Variants in KRT28 observed in about 807,000 individuals in gnomAD.
KRT28 encodes keratin 28, also known as keratin, type I cytoskeletal 28.
Under a neutral mutation model 48.1 loss-of-function variants are expected in KRT28, and 45 were observed. That is an observed-to-expected ratio of 0.94 (90% CI 0.74 to 1.20). The LOEUF (loss-of-function observed/expected upper bound fraction) is 1.20. KRT28 is among the 50% of genes most tolerant of loss of function. KRT28 has a pLI of 0.00. For missense variants in KRT28, 571 were observed against 574.1 expected (o/e 0.99, Z 0.06); for synonymous variants, 228 against 227.4 (o/e 1.00, Z -0.03).
intron 6 of KRT28, 101 bp downstream of exon 6, chr17:40,793,728 G>T: frequency 9.0e-7 from 1 of 1,112,490 alleles, no homozygotes; most frequent in Non-Finnish European, 1.3e-6. Context: ...TCTGCAGTGG[G>T]AATGAAAAAG....
At chr17:40,799,344 C>A (rs1313849225) in intron 1 of KRT28, 100 bp downstream of exon 1, 1 of 963,038 alleles carries the variant, frequency 1.0e-6, no homozygotes, top group East Asian at 2.5e-5. Context: ...TAAATAAATA[C>A]AAGTTATAAC....
At chr17:40,798,714 C>T (rs576931649) in intron 2 of KRT28, among the ~76,000 whole-genome samples, 2 of 152,228 alleles carry the variant, frequency 1.3e-5, no homozygotes, top group African/African-American at 4.8e-5. Flanking sequence ...GTATTCTAGG[C>T]AGGCAGAGAA....
Position 40,796,904 on chromosome 17 carries a change from G to T in KRT28, c.978+12C>A. 6.3e-7 allele frequency: 1 copy of T among 1,577,300 alleles called. No homozygotes were observed. Among genetic ancestry groups the T allele is most frequent in the South Asian group, 1.2e-5 (1 of 86,646 alleles). ...AATCACAGGATCCAGGCTGACCTTC[G>T]CTGTCACCTACCGTGGCCATCAGGG... On this transcript the variant is annotated intron_variant, in intron 5 of 7. Coordinates refer to ENST00000306658, the MANE Select transcript of KRT28 (RefSeq NM_181535.3).
chr17:40,792,525 C>G lies in KRT28; in HGVS notation c.1297G>C (p.Asp433His). 1 of 1,613,238 alleles carries G rather than the reference C, an allele frequency of 6.2e-7. No individual in the cohort carries two copies. Residue 433 changes from aspartate to histidine, a missense_variant, in exon 8 of 8, where the codon GAT becomes CAT. Physicochemically the swap from Asp to His is moderately conservative, Grantham distance 81. Coordinates refer to ENST00000306658, the MANE Select transcript of KRT28 (RefSeq NM_181535.3). The stretch of plus-strand genomic sequence containing the variant: ...GATGAAAGAACTTTACCACGTTGAT[C>G]TAGCTCTTCAACCACTGTCTTTACC... ...TLVKTVVEEL[D>H]QRGKVLSSRI...
rs572794504 is a variant in KRT28 at position 40,797,192 on chromosome 17, G to T, written c.780C>A (p.Asn260Lys). The T allele has an allele frequency of 1.9e-6, 3 of 1,614,056 alleles. No individual in the cohort carries two copies. Among genetic ancestry groups the T allele is most frequent in the African/African-American group, 2.7e-5 (2 of 74,900 alleles). ...GGGCTTCGTACTCCGCTCGCATGTT[G>T]TTCAACAAAACCGCGAGGTCTACCC... ...APGVDLAVLL[N>K]NMRAEYEALA... The change falls in exon 4 of 8, where the codon AAC becomes AAA. Residue 260 changes from asparagine to lysine, a missense_variant. Asn to Lys is a moderately conservative substitution (Grantham distance 94, BLOSUM62 0). Coordinates refer to ENST00000306658, the MANE Select transcript of KRT28 (RefSeq NM_181535.3).
chr17:40,798,907 T>C lies in KRT28; in HGVS notation c.533+10A>G. ...TTTTTTCTAGAGCAGGATTTTCTTC[T>C]GTCACTTACTTTAGCCTGAAATCAT... is the stretch of plus-strand genomic sequence containing the variant. On this transcript the variant is annotated intron_variant, in intron 2 of 7. Transcript: ENST00000306658. The C allele has an allele frequency of 3.2e-6, 5 of 1,565,816 alleles. No homozygotes were observed. Among genetic ancestry groups the C allele is most frequent in the Non-Finnish European group, 4.4e-6 (5 of 1,147,252 alleles).
chr17:40,798,155 T>G (rs572235475), intron 3 of KRT28, 80 bp downstream of exon 3: 1 of 1,361,696 alleles, frequency 7.3e-7, no homozygotes, highest in South Asian at 1.4e-5. Context: ...GAATTACTAT[T>G]GTGATTTTAA....
In KRT28 at chr17:40,797,142, G is replaced by A. The variant is rs1011651056; in HGVS notation, c.830C>T (p.Ala277Val). The change falls in exon 4 of 8, where the codon GCG becomes GTG. Residue 277 changes from alanine (A) to valine (V), a missense_variant. Transcript: ENST00000306658. ...CACCTTCTCATTGAACCAGGCCTCC[G>A]CGTCCTTGCGGTTCTGCTCTGCAAG... Reference protein sequence around the residue: ...EALAEQNRKDAEAWFNEKSAS... With the variant: ...EALAEQNRKDVEAWFNEKSAS... The A allele has an allele frequency of 6.2e-7, 1 of 1,614,098 alleles. No individual in the cohort carries two copies. The highest frequency in any genetic ancestry group is 8.5e-7 in the Non-Finnish European group (1 of 1,179,988).
intron 1 of KRT28, 49 bp downstream of exon 1, chr17:40,799,395 T>C: frequency 7.3e-7 from 1 of 1,370,202 alleles, no homozygotes; most frequent in South Asian, 1.4e-5. Context: ...TTGTTAGGTA[T>C]TTCTTAGTTT....
rs1904508671 is a variant in KRT28, at chr17:40,792,208, A to G, written c.*219T>C. The stretch of plus-strand genomic sequence containing the variant: ...AATGAGACATAGAAAAAAATCACAA[A>G]TAGTTATTTATTAGTCATCAGTGAA... On this transcript the variant is annotated 3_prime_UTR_variant, in exon 8 of 8. Transcript: ENST00000306658. 2.6e-6 allele frequency: 1 copy of G among 382,246 alleles called. No individual in the cohort carries two copies. Among genetic ancestry groups the G allele is most frequent in the Non-Finnish European group, 4.6e-6 (1 of 215,260 alleles). The allele number at this position is 382,246 out of a possible 1,614,324, so 23.7% of individuals were successfully genotyped here. A position where few individuals can be genotyped will look rare whatever the true frequency, so the allele number is the denominator to read the frequency against.
intron 5 of KRT28, among the ~76,000 whole-genome samples, chr17:40,794,440 C>T (rs1474641729): frequency 6.6e-6 from 1 of 152,170 alleles, no homozygotes; most frequent in African/African-American, 2.4e-5. Context: ...CCATCTTACT[C>T]TGCTACTGTC....
At chr17:40,799,114 G>A in intron 1 of KRT28, 115 bp from the exon 2 acceptor site, 1 of 648,920 alleles carries the variant, frequency 1.5e-6, no homozygotes. Context: ...ACCTCCTTAT[G>A]TAATAATCAA....
chr17:40,794,024 A>G lies in KRT28; in HGVS notation c.1001T>C (p.Leu334Ser), dbSNP rs373502722. 26 of 1,613,832 alleles carry G rather than the reference A, an allele frequency of 1.6e-5. No homozygotes were observed. In the Middle Eastern group the frequency reaches 6.6e-4, roughly 41 times the overall value. ...MATKHSLECS[L>S]TETESNYCTQ... is the part of the protein sequence containing the mutation. Reference sequence around the variant, plus strand: ...ACAGTAGTTGCTCTCGGTCTCTGTCAAGGAGCACTCCAGGGAGTGTTTCTG... The same window carrying G: ...ACAGTAGTTGCTCTCGGTCTCTGTCGAGGAGCACTCCAGGGAGTGTTTCTG... Residue 334 changes from leucine to serine, a missense_variant, in exon 6 of 8, where the codon TTG (leucine) becomes TCG (serine). Coordinates refer to ENST00000306658, the MANE Select transcript of KRT28 (RefSeq NM_181535.3).
chr17:40,794,027 G>C lies in KRT28; in HGVS notation c.998C>G (p.Ser333Cys). Reference protein sequence around the residue: ...LMATKHSLECSLTETESNYCT... With the variant: ...LMATKHSLECCLTETESNYCT... Reference sequence around the variant, plus strand: ...GTAGTTGCTCTCGGTCTCTGTCAAGGAGCACTCCAGGGAGTGTTTCTGAGG... The same window carrying C: ...GTAGTTGCTCTCGGTCTCTGTCAAGCAGCACTCCAGGGAGTGTTTCTGAGG... Residue 333 changes from serine to cysteine, a missense_variant, in exon 6 of 8, where the codon TCC becomes TGC. Ser to Cys is a moderately radical substitution (Grantham distance 112). Coordinates refer to ENST00000306658, the MANE Select transcript of KRT28 (RefSeq NM_181535.3). The C allele has an allele frequency of 6.2e-7, 1 of 1,613,970 alleles. No individual in the cohort carries two copies.
chr17:40,795,406 C>T (rs1194967874), intron 5 of KRT28, among the ~76,000 whole-genome samples: 1 of 152,224 alleles, frequency 6.6e-6, no homozygotes, highest in Admixed American at 6.5e-5. Flanking sequence ...ACTTCACAGT[C>T]TTCCACCGTG....
At chr17:40,796,801 G>C in intron 5 of KRT28, 115 bp downstream of exon 5, 1 of 1,363,392 alleles carries the variant, frequency 7.3e-7, no homozygotes. Context: ...CACTCTCTCT[G>C]CTAAGTATTT....
In KRT28 at chr17:40,799,516, T is replaced by C. The variant is rs868035399; in HGVS notation, c.378A>G (p.Gly126=). The C allele has an allele frequency of 1.2e-5, 20 of 1,614,126 alleles. 1 individual carries two copies. In the Middle Eastern group the frequency reaches 3.1e-3, roughly 253 times the overall value. ...RKIKGWYEKY[G]PGSCRGLDHD... is the part of the protein sequence containing the mutation. Reference sequence around the variant, plus strand: ...GATCAAGTCCACGGCAAGATCCAGGTCCGTATTTTTCATACCAACCCTTGA... The same window carrying C: ...GATCAAGTCCACGGCAAGATCCAGGCCCGTATTTTTCATACCAACCCTTGA... The change falls in exon 1 of 8, where the codon GGA becomes GGG. Residue 126 remains glycine (G), a synonymous_variant. Coordinates refer to ENST00000306658, the MANE Select transcript of KRT28 (RefSeq NM_181535.3).
Position 40,792,484 on chromosome 17 carries a change from A to G in KRT28, c.1338T>C (p.Ile446=). The change falls in exon 8 of 8, where the codon ATT becomes ATC. Residue 446 remains isoleucine, a synonymous_variant. Transcript: ENST00000306658. ...GKVLSSRIHS[I]EEKTSKMTNG... ...TGGTCATTTTAGATGTCTTTTCTTC[A>G]ATGGAGTGAATCCTTGATGAAAGAA... 4 of 1,613,498 alleles carry G rather than the reference A, an allele frequency of 2.5e-6. No homozygotes were observed. The highest frequency in any genetic ancestry group is 3.4e-6 in the Non-Finnish European group (4 of 1,179,664).
At chr17:40,796,887 G>C in intron 5 of KRT28, 29 bp downstream of exon 5, 1 of 1,553,898 alleles carries the variant, frequency 6.4e-7, no homozygotes, top group Non-Finnish European at 8.7e-7. Flanking sequence ...AGAATCACAG[G>C]ATCCAGGCTG....
Sources: gnomAD v4.1 joint callset for allele counts (sites outside exome capture counted in the v4.1 genomes callset) on GRCh38, gnomAD v4.1.1 for gene constraint, MANE v1.5 for transcripts, NCBI Gene and HGNC (gene_info 2026-07-23, HGNC 2026-07-21) for gene names.